The following FGF14 variants were observed in gnomAD, a reference collection of about 807,000 sequenced individuals.
FGF14 encodes fibroblast growth factor homologous factor 4.
FGF14 carries 5 observed loss-of-function variants against 25.5 expected under a neutral mutation model. The ratio of observed to expected loss-of-function variants is 0.20; its 90% CI spans 0.10 to 0.41. The LOEUF is 0.41. Ranked by LOEUF, FGF14 falls within the 10% of genes least tolerant of loss-of-function variation. The probability of loss-of-function intolerance (pLI) is 1.00; values close to 1 mark genes in which losing one functional copy is unlikely to be tolerated. For missense variants in FGF14, 222 were observed against 320.1 expected (o/e 0.69, Z 2.34); for synonymous variants, 138 against 118.3 (o/e 1.17, Z -1.08).
chr13:102,150,053 G>C (rs1032527705), intron 1 of FGF14, among the ~76,000 whole-genome samples: 1 of 152,104 alleles, frequency 6.6e-6, no homozygotes, highest in Admixed American at 6.6e-5. Context: ...TGAGTTGAGG[G>C]GAAAATGCTA....
At chr13:102,058,911 A>G (rs1249155417) in intron 1 of FGF14, among the ~76,000 whole-genome samples, 1 of 151,232 alleles carries the variant, frequency 6.6e-6, no homozygotes, top group East Asian at 2.0e-4. Flanking sequence ...ATGATATCGA[A>G]TTGCTCAACA....
At chr13:102,091,644 C>A (rs1382028103) in intron 1 of FGF14, among the ~76,000 whole-genome samples, 4 of 152,172 alleles carry the variant, frequency 2.6e-5, no homozygotes, top group Non-Finnish European at 5.9e-5. Flanking sequence ...GATACTAGCA[C>A]CAGCCGAGCC....
intron 2 of FGF14, 96 bp from the exon 3 acceptor site, chr13:101,868,924 T>C: frequency 1.2e-6 from 1 of 811,178 alleles, no homozygotes; most frequent in South Asian, 1.4e-5. Context: ...AGAAACATCA[T>C]CTTTGCCAAT....
chr13:102,261,342 T>C (rs890407211), intron 1 of FGF14, among the ~76,000 whole-genome samples: 2 of 152,228 alleles, frequency 1.3e-5, no homozygotes, highest in African/African-American at 2.4e-5. Context: ...ATCGTTGAGA[T>C]ATTTAAACCT....
chr13:101,883,971 G>A (rs1000979431), intron 1 of FGF14, among the ~76,000 whole-genome samples: 1 of 148,102 alleles, frequency 6.8e-6, no homozygotes, highest in East Asian at 2.1e-4. Flanking sequence ...GCTGAAGCAG[G>A]AGAATCAATT....
At chr13:102,300,307 C>T (rs2054962184) in intron 1 of FGF14, 1 of 151,752 alleles carries the variant, frequency 6.6e-6, no homozygotes, top group Non-Finnish European at 1.5e-5. Flanking sequence ...AAAACTACAG[C>T]ATCATCATAC....
At chr13:101,927,999 T>A (rs917048311) in intron 1 of FGF14, among the ~76,000 whole-genome samples, 3 of 152,280 alleles carry the variant, frequency 2.0e-5, no homozygotes, top group Admixed American at 2.0e-4. Flanking sequence ...TCATCCCCGG[T>A]GACACTAGAA....
intron 3 of FGF14, among the ~76,000 whole-genome samples, chr13:101,810,030 C>T (rs954685885): frequency 6.6e-6 from 1 of 152,174 alleles, no homozygotes. Context: ...ATAGTATTTA[C>T]AGATTAGTAG....
At chr13:102,364,085 G>A (rs1364717074) in intron 1 of FGF14, among the ~76,000 whole-genome samples, 1 of 152,212 alleles carries the variant, frequency 6.6e-6, no homozygotes, top group East Asian at 1.9e-4. Context: ...GAAGGAAATT[G>A]TGTTATTGCT....
intron 1 of FGF14, among the ~76,000 whole-genome samples, chr13:102,383,278 C>T (rs1159842911): frequency 6.6e-6 from 1 of 151,654 alleles, no homozygotes; most frequent in Non-Finnish European, 1.5e-5. Context: ...TCTTAAATAA[C>T]AAAAAAGTTC....
intron 1 of FGF14, among the ~76,000 whole-genome samples, chr13:102,278,019 A>T (rs914798265): frequency 3.3e-5 from 5 of 152,198 alleles, no homozygotes. Flanking sequence ...TCTTGGGCTG[A>T]CTGTGGTCTT....
intron 1 of FGF14, among the ~76,000 whole-genome samples, chr13:101,966,521 C>T (rs189728187): frequency 5.9e-5 from 9 of 152,122 alleles, no homozygotes; most frequent in South Asian, 4.2e-4. Context: ...CTCGCTCTGT[C>T]GCCCAGGCTG....
intron 1 of FGF14, among the ~76,000 whole-genome samples, chr13:102,216,366 T>G (rs951758148): frequency 6.6e-6 from 1 of 152,168 alleles, no homozygotes. Flanking sequence ...GTGGGGACAA[T>G]CATTTATTCA....
chr13:101,810,199 A>C (rs2041424178), intron 3 of FGF14, among the ~76,000 whole-genome samples: 1 of 152,170 alleles, frequency 6.6e-6, no homozygotes, highest in Non-Finnish European at 1.5e-5. Context: ...AGTGTTTTCT[A>C]GTTCGCTGTT....
At chr13:102,243,348 G>T (rs912364876) in intron 1 of FGF14, among the ~76,000 whole-genome samples, 1 of 152,016 alleles carries the variant, frequency 6.6e-6, no homozygotes, top group African/African-American at 2.4e-5. Flanking sequence ...ACCTTTCCCA[G>T]AAGGAACTCC....
intron 1 of FGF14, among the ~76,000 whole-genome samples, chr13:102,277,709 C>A (rs2053616861): frequency 6.6e-6 from 1 of 152,252 alleles, no homozygotes; most frequent in African/African-American, 2.4e-5. Flanking sequence ...AGAAAGCCAA[C>A]TACTGAACTC....
intron 1 of FGF14, among the ~76,000 whole-genome samples, chr13:102,242,842 C>G (rs547425256): frequency 3.9e-5 from 6 of 152,224 alleles, no homozygotes; most frequent in African/African-American, 1.2e-4. Context: ...AATACTACTC[C>G]CTCCAGTGTG....
intron 1 of FGF14, among the ~76,000 whole-genome samples, chr13:102,012,214 G>A (rs2040118138): frequency 1.3e-5 from 2 of 152,124 alleles, no homozygotes; most frequent in Non-Finnish European, 2.9e-5. Flanking sequence ...GGGGCTGGGG[G>A]TGAAGGGGCA....
intron 1 of FGF14, among the ~76,000 whole-genome samples, chr13:102,166,178 A>G (rs1285813079): frequency 6.6e-6 from 1 of 151,068 alleles, no homozygotes; most frequent in Non-Finnish European, 1.5e-5. Context: ...AGCATACAAC[A>G]TTTAAAAAAA....
Sources: allele counts gnomAD v4.1 joint callset (sites outside exome capture counted in the v4.1 genomes callset), GRCh38; gene constraint gnomAD v4.1.1; transcripts MANE v1.5; gene names NCBI Gene and HGNC (gene_info 2026-07-23, HGNC 2026-07-21).